The following COL24A1 variants were observed in gnomAD, a reference collection of about 807,000 sequenced individuals.
The protein encoded by COL24A1 is collagen alpha-1(XXIV) chain.
COL24A1 carries 224 observed loss-of-function variants against 253.9 expected under a neutral mutation model. The ratio of observed to expected loss-of-function variants is 0.88; its 90% CI spans 0.79 to 0.99. The LOEUF (loss-of-function observed/expected upper bound fraction) is 0.99. COL24A1 is among the 50% of genes least tolerant of loss of function. COL24A1 has a pLI of 0.00. For synonymous variants in COL24A1, 685 were observed against 673.7 expected (o/e 1.02, Z -0.26); for missense variants, 2,131 against 2,068.5 (o/e 1.03, Z -0.59).
At chr1:86,075,690 C>A (rs555983267) in intron 7 of COL24A1, among the ~76,000 whole-genome samples, 2 of 152,278 alleles carry the variant, frequency 1.3e-5, no homozygotes, top group East Asian at 3.9e-4. Context: ...AAAAGCTTAT[C>A]CACCATGATC....
intron 37 of COL24A1, among the ~76,000 whole-genome samples, chr1:85,863,495 G>A (rs1679404503): frequency 6.6e-6 from 1 of 152,090 alleles, no homozygotes; most frequent in African/African-American, 2.4e-5. Context: ...GCATGGGCAA[G>A]GACTTCATGT....
intron 20 of COL24A1, among the ~76,000 whole-genome samples, chr1:85,983,600 T>G (rs1171955811): frequency 1.3e-5 from 2 of 151,948 alleles, no homozygotes; most frequent in African/African-American, 4.8e-5. Flanking sequence ...CCACATTGTA[T>G]AGCCTCAACA....
intron 5 of COL24A1, among the ~76,000 whole-genome samples, chr1:86,108,116 C>A (rs899562085): frequency 1.3e-5 from 2 of 152,084 alleles, no homozygotes; most frequent in Non-Finnish European, 2.9e-5. Context: ...TCTCCTAGGT[C>A]ATTTTACCAC....
intron 47 of COL24A1, among the ~76,000 whole-genome samples, chr1:85,795,728 T>C (rs1346142943): frequency 1.3e-5 from 2 of 152,096 alleles, no homozygotes; most frequent in African/African-American, 4.8e-5. Context: ...GAGAAGATAA[T>C]AAGAAAAATT....
intron 47 of COL24A1, among the ~76,000 whole-genome samples, chr1:85,793,772 C>T (rs1670539124): frequency 6.6e-6 from 1 of 152,064 alleles, no homozygotes; most frequent in African/African-American, 2.4e-5. Context: ...AAATGATAGT[C>T]ATCTGAGACT....
At chr1:86,082,529 C>T (rs1330933482) in intron 7 of COL24A1, among the ~76,000 whole-genome samples, 2 of 151,266 alleles carry the variant, frequency 1.3e-5, no homozygotes, top group Non-Finnish European at 2.9e-5. Context: ...TTATGTGAAC[C>T]TCCACTATGT....
chr1:85,812,285 G>A (rs61687099), intron 47 of COL24A1, among the ~76,000 whole-genome samples: 3,129 of 152,288 alleles, frequency 0.021, 101 homozygotes, highest in African/African-American at 0.072. Flanking sequence ...CATGACACCC[G>A]TTCCCATTGC....
intron 47 of COL24A1, among the ~76,000 whole-genome samples, chr1:85,812,705 C>G (rs1353865199): frequency 6.6e-6 from 1 of 152,200 alleles, no homozygotes; most frequent in Non-Finnish European, 1.5e-5. Flanking sequence ...TAACAGACAG[C>G]ATCCTCTATA....
At position 85,987,618 on chromosome 1, in the gene COL24A1, C is replaced by G; in HGVS notation, c.2347G>C (p.Gly783Arg). 1 of 1,610,790 alleles carries G rather than the reference C, an allele frequency of 6.2e-7. No individual in the cohort carries two copies. The highest frequency in any genetic ancestry group is 8.5e-7 in the Non-Finnish European group (1 of 1,178,018). Residue 783 changes from glycine to arginine, a missense_variant, in exon 20 of 60, where the codon GGC (glycine) becomes CGC (arginine). Gly to Arg is a moderately radical substitution (Grantham distance 125). Coordinates refer to ENST00000370571, the MANE Select transcript of COL24A1 (RefSeq NM_152890.7). ...CTTCTTACCTTTGGTCCTTCAGGGC[C>G]GTTTTGTCCAGGAATCCCAATATCT... ...PGDIGIPGQNGPEGPKGLLGN... is the reference protein window; with the variant it reads ...PGDIGIPGQNRPEGPKGLLGN...
chr1:86,124,215 G>T (rs201507645), intron 3 of COL24A1, among the ~76,000 whole-genome samples: 1,370 of 26,430 alleles, frequency 0.052, 24 homozygotes, highest in East Asian at 0.26. Flanking sequence ...TTAAACAAGT[G>T]CCTTGGTTGT....
Position 85,744,633 on chromosome 1 carries a change from C to T in COL24A1, c.4672+33G>A, listed in dbSNP as rs779407213. ...CACACTGAAATGATGAAATGAAATT[C>T]ACTATCAGAGTTTGAGGTAACCAAG... is the stretch of plus-strand genomic sequence containing the variant. On this transcript the variant is annotated intron_variant, in intron 57 of 59. Transcript: ENST00000370571. 14 of 1,516,992 alleles carry T rather than the reference C, an allele frequency of 9.2e-6. No individual in the cohort carries two copies. The South Asian group carries it at 1.7e-4, about 18-fold the overall frequency. 94.0% of individuals were successfully genotyped at this position (1,516,992 alleles called of 1,614,324 possible).
At chr1:85,846,510 T>C (rs1677158921) in intron 39 of COL24A1, among the ~76,000 whole-genome samples, 1 of 151,920 alleles carries the variant, frequency 6.6e-6, no homozygotes, top group South Asian at 2.1e-4. Context: ...AATATATTAA[T>C]ATTTTAAGCA....
chr1:85,961,761 A>G (rs997996165), intron 23 of COL24A1, among the ~76,000 whole-genome samples: 12 of 152,306 alleles, frequency 7.9e-5, no homozygotes, highest in Non-Finnish European at 1.6e-4. Flanking sequence ...AGCAAGCACA[A>G]CTTCACATGT....
intron 3 of COL24A1, among the ~76,000 whole-genome samples, chr1:86,115,940 TATAAA>T (rs58005161): frequency 0.15 from 22,362 of 152,094 alleles, 1,747 homozygotes; most frequent in South Asian, 0.24. Flanking sequence ...TTAAATGATT[TATAAA>T]ATAAAGTATG....
intron 43 of COL24A1, among the ~76,000 whole-genome samples, chr1:85,830,051 G>T: frequency 6.6e-6 from 1 of 152,014 alleles, no homozygotes. Flanking sequence ...CATCTTTGTG[G>T]TTTTATCTAC....
chr1:85,744,618 T>A, intron 57 of COL24A1, 48 bp downstream of exon 57: 1 of 1,457,440 alleles, frequency 6.9e-7, no homozygotes, highest in East Asian at 2.3e-5. Context: ...CACACTGAAA[T>A]GATGAAATGA....
chr1:85,783,355 C>T, intron 51 of COL24A1, 141 bp downstream of exon 51: 1 of 596,024 alleles, frequency 1.7e-6, no homozygotes, highest in Non-Finnish European at 2.9e-6. Flanking sequence ...AGATTGAATT[C>T]TGCATGTGCC....
chr1:85,760,213 C>T (rs757829267), intron 55 of COL24A1, among the ~76,000 whole-genome samples: 2 of 152,000 alleles, frequency 1.3e-5, no homozygotes, highest in Non-Finnish European at 2.9e-5. Flanking sequence ...GCTGGGATTA[C>T]AGGCATGTGC....
chr1:85,926,058 C>A (rs1274539368), intron 24 of COL24A1, among the ~76,000 whole-genome samples: 3 of 152,094 alleles, frequency 2.0e-5, no homozygotes, highest in Non-Finnish European at 4.4e-5. Flanking sequence ...ATGCAGCCAA[C>A]AGACACATGA....
Sources: gnomAD v4.1 joint callset for allele counts (sites outside exome capture counted in the v4.1 genomes callset) on GRCh38, gnomAD v4.1.1 for gene constraint, MANE v1.5 for transcripts, NCBI Gene and HGNC (gene_info 2026-07-23, HGNC 2026-07-21) for gene names.